The following TASP1 variants were observed in gnomAD, a reference collection of about 807,000 sequenced individuals.
TASP1 encodes threonine aspartase 1.
In TASP1, 16 loss-of-function variants were observed where a neutral mutation model predicts 56.6. The observed-to-expected ratio is 0.28, with a 90% CI of 0.19 to 0.43. The LOEUF (loss-of-function observed/expected upper bound fraction) is 0.43, where lower values mean the gene tolerates loss of function less well. TASP1 is among the 20% of genes least tolerant of loss of function. The pLI is 1.00. For missense variants in TASP1, 393 were observed against 511.6 expected (o/e 0.77, Z 2.24); for synonymous variants, 179 against 184.2 (o/e 0.97, Z 0.23).
At chr20:13,631,819 A>T (rs1324846376) in intron 1 of TASP1, among the ~76,000 whole-genome samples, 1 of 152,130 alleles carries the variant, frequency 6.6e-6, no homozygotes, top group Non-Finnish European at 1.5e-5. Context: ...GTAATCTAGC[A>T]CTTCGGGAGG....
intron 6 of TASP1, among the ~76,000 whole-genome samples, chr20:13,573,765 C>T (rs1397500145): frequency 6.6e-6 from 1 of 152,100 alleles, no homozygotes. Context: ...TAGAAAATAA[C>T]AGTTTTCAGA....
chr20:13,634,402 C>T (rs935365436), intron 1 of TASP1, among the ~76,000 whole-genome samples: 1 of 152,124 alleles, frequency 6.6e-6, no homozygotes, highest in African/African-American at 2.4e-5. Context: ...TGGAGAGGGA[C>T]TGCTACTGGG....
chr20:13,312,002 C>T, the TASP1 span, among the ~76,000 whole-genome samples: 3 of 152,256 alleles, frequency 2.0e-5, no homozygotes, highest in African/African-American at 7.2e-5. Context: ...AATGTATACA[C>T]ATATCAAAAC....
intron 5 of TASP1, among the ~76,000 whole-genome samples, chr20:13,582,013 A>G (rs6514418): frequency 0.49 from 74,732 of 151,496 alleles, 19,702 homozygotes; most frequent in African/African-American, 0.68. Flanking sequence ...TCATCAGTGG[A>G]ATATATAAAG....
intron 13 of TASP1, among the ~76,000 whole-genome samples, chr20:13,394,099 G>C: frequency 6.6e-6 from 1 of 151,248 alleles, no homozygotes; most frequent in Admixed American, 6.6e-5. Flanking sequence ...TGGCCAACAG[G>C]GCGAAACCCC....
chr20:13,117,764 C>A, the TASP1 span: 1 of 1,552,540 alleles, frequency 6.4e-7, no homozygotes, highest in South Asian at 1.2e-5. Flanking sequence ...AAAACCTGAG[C>A]GCCCTGGGGA....
chr20:13,465,977 C>T (rs927846186), intron 11 of TASP1, among the ~76,000 whole-genome samples: 3 of 152,070 alleles, frequency 2.0e-5, no homozygotes, highest in Non-Finnish European at 4.4e-5. Context: ...GAACTAAATA[C>T]ACATACACAC....
intron 4 of TASP1, among the ~76,000 whole-genome samples, chr20:13,595,538 A>C (rs1423841445): frequency 6.6e-6 from 1 of 152,216 alleles, no homozygotes; most frequent in Non-Finnish European, 1.5e-5. Flanking sequence ...AAGATCTAAC[A>C]AGCAAATGGA....
chr20:13,421,953 C>CTTTTTTTTT lies in TASP1; in HGVS notation c.1097-4441_1097-4433dup, dbSNP rs1179688722. Among the ~76,000 whole-genome samples the CTTTTTTTTT allele has an allele frequency of 1.7e-3, 231 of 139,022 alleles. 4 individuals carry two copies. The highest frequency in any genetic ancestry group is 5.8e-3 in the African/African-American group (214 of 36,902). The allele number at this position is 139,022 out of a possible 152,430, so 91.2% of individuals were successfully genotyped here. A position where few individuals can be genotyped will look rare whatever the true frequency, so the allele number is the denominator to read the frequency against. The stretch of plus-strand genomic sequence containing the variant: ...TATTTTATATGTGTTTCTGTTTAAC[C>CTTTTTTTTT]TTTTTTTTTTTTTTTTTTGACAGAG... On this transcript the variant is annotated intron_variant, in intron 12 of 13. Transcript: ENST00000337743.
the TASP1 span, among the ~76,000 whole-genome samples, chr20:13,259,841 C>G: frequency 1.3e-5 from 2 of 152,248 alleles, no homozygotes; most frequent in Non-Finnish European, 2.9e-5. Context: ...TGCCCCAATA[C>G]TAAGTGATAA....
At chr20:13,262,424 G>A in the TASP1 span, among the ~76,000 whole-genome samples, 1 of 152,086 alleles carries the variant, frequency 6.6e-6, no homozygotes, top group South Asian at 2.1e-4. Flanking sequence ...ACATTTGCAG[G>A]GATGTTTTAG....
chr20:13,137,082 T>C, the TASP1 span, among the ~76,000 whole-genome samples: 2 of 151,886 alleles, frequency 1.3e-5, no homozygotes, highest in African/African-American at 4.8e-5. Flanking sequence ...AGTCCCCCAA[T>C]CATTGTGCTG....
At chr20:13,587,708 GA>G (rs768917883) in intron 4 of TASP1, among the ~76,000 whole-genome samples, 4 of 149,812 alleles carry the variant, frequency 2.7e-5, no homozygotes, top group South Asian at 2.1e-4. Flanking sequence ...AAAATACAGG[GA>G]AAAAAACATG....
chr20:13,479,414 TTAA>T (rs2043054289), intron 11 of TASP1, among the ~76,000 whole-genome samples: 1 of 152,112 alleles, frequency 6.6e-6, no homozygotes. Flanking sequence ...AGATCCACCA[TTAA>T]TAGTTTTAAT....
chr20:13,265,545 C>T, the TASP1 span, among the ~76,000 whole-genome samples: 1 of 152,186 alleles, frequency 6.6e-6, no homozygotes, highest in African/African-American at 2.4e-5. Flanking sequence ...TCGAAAGCTT[C>T]CTTGCTTCTT....
At chr20:13,178,820 A>T in the TASP1 span, among the ~76,000 whole-genome samples, 2 of 152,252 alleles carry the variant, frequency 1.3e-5, no homozygotes, top group South Asian at 2.1e-4. Context: ...GCTAGATACA[A>T]AATTACAGCT....
chr20:13,217,149 A>G, the TASP1 span, among the ~76,000 whole-genome samples: 2 of 152,314 alleles, frequency 1.3e-5, no homozygotes, highest in African/African-American at 4.8e-5. Context: ...TTGAGCCCTT[A>G]CCTTTTTGAG....
the TASP1 span, among the ~76,000 whole-genome samples, chr20:13,189,646 A>G: frequency 1.3e-5 from 2 of 152,200 alleles, no homozygotes; most frequent in Non-Finnish European, 1.5e-5. Flanking sequence ...TTAAATAAAA[A>G]AAATAGCAGA....
chr20:13,337,849 T>C, the TASP1 span, among the ~76,000 whole-genome samples: 3 of 152,228 alleles, frequency 2.0e-5, no homozygotes, highest in Non-Finnish European at 4.4e-5. Flanking sequence ...TGTCGTGTTA[T>C]AAATAGGAAT....
Sources: allele counts gnomAD v4.1 joint callset (sites outside exome capture counted in the v4.1 genomes callset), GRCh38; gene constraint gnomAD v4.1.1; transcripts MANE v1.5; gene names NCBI Gene and HGNC (gene_info 2026-07-23, HGNC 2026-07-21).